Variants in ARHGAP15 observed in about 807,000 individuals in gnomAD.
ARHGAP15 encodes the protein rho GTPase-activating protein 15.
A neutral mutation model predicts 63.7 loss-of-function variants in ARHGAP15; 51 were observed. The ratio of observed to expected loss-of-function variants is 0.80; its 90% CI spans 0.64 to 1.01. The LOEUF is 1.01. Ranked by LOEUF, ARHGAP15 falls within the 50% of genes least tolerant of loss-of-function variation. The pLI, the probability that ARHGAP15 is intolerant of heterozygous loss-of-function variation, is 0.00. For synonymous variants in ARHGAP15, 191 were observed against 193.8 expected, an observed-to-expected ratio of 0.99 and a Z score of 0.12; for missense variants, 560 against 564.6, an observed-to-expected ratio of 0.99 and a Z score of 0.08.
At chr2:143,691,764 A>G (rs1683610651) in intron 12 of ARHGAP15, among the ~76,000 whole-genome samples, 1 of 152,242 alleles carries the variant, frequency 6.6e-6, no homozygotes, top group Admixed American at 6.5e-5. Context: ...TCAATTTACA[A>G]TATAATGGAA....
intron 9 of ARHGAP15, among the ~76,000 whole-genome samples, chr2:143,489,570 C>T (rs1477004473): frequency 7.2e-5 from 11 of 151,874 alleles, no homozygotes; most frequent in Non-Finnish European, 1.6e-4. Flanking sequence ...CGGTAAAAGG[C>T]ATTAAACCAA....
At chr2:143,133,933 A>C (rs1348679473) in intron 1 of ARHGAP15, among the ~76,000 whole-genome samples, 1 of 152,168 alleles carries the variant, frequency 6.6e-6, no homozygotes, top group Non-Finnish European at 1.5e-5. Flanking sequence ...AATATAGATT[A>C]GAGATATTTT....
rs368759683 is a variant in ARHGAP15 at position 143,733,429 on chromosome 2, A to G, written c.1244+29905A>G. Among the ~76,000 whole-genome samples, 44 of 152,242 alleles carry G rather than the reference A, an allele frequency of 2.9e-4. 1 individual carries two copies. The East Asian group carries it at 7.3e-3, about 25-fold the overall frequency. ...TGTACTTCATCTGAGCCCATTTTGG[A>G]GAGTGAAGGCCCTTCAAAAGTAAAA... On this transcript the variant is annotated intron_variant, in intron 13 of 13. Transcript: ENST00000295095.
chr2:143,236,476 T>TA (rs778725851), intron 5 of ARHGAP15: 2 of 152,172 alleles, frequency 1.3e-5, no homozygotes, highest in African/African-American at 4.8e-5. Flanking sequence ...TTCTGAAAGA[T>TA]AAAAAATGAA....
intron 2 of ARHGAP15, among the ~76,000 whole-genome samples, chr2:143,180,970 C>G (rs1255266259): frequency 6.6e-6 from 1 of 152,140 alleles, no homozygotes; most frequent in East Asian, 1.9e-4. Context: ...CTGTACCCGG[C>G]CTTAAATATA....
intron 12 of ARHGAP15, among the ~76,000 whole-genome samples, chr2:143,677,570 C>T (rs1682889132): frequency 6.6e-6 from 1 of 152,158 alleles, no homozygotes; most frequent in South Asian, 2.1e-4. Context: ...CCCATAGCAC[C>T]TATAACATTC....
intron 11 of ARHGAP15, among the ~76,000 whole-genome samples, chr2:143,598,988 A>G (rs1244441599): frequency 6.6e-6 from 1 of 152,074 alleles, no homozygotes; most frequent in Non-Finnish European, 1.5e-5. Flanking sequence ...AAAGTATGCA[A>G]CTTGTCTGTG....
intron 11 of ARHGAP15, among the ~76,000 whole-genome samples, chr2:143,566,307 A>G (rs1356973031): frequency 6.6e-6 from 1 of 152,166 alleles, no homozygotes; most frequent in Non-Finnish European, 1.5e-5. Flanking sequence ...CAGGATTAAT[A>G]TGGAAGGGAG....
intron 8 of ARHGAP15, among the ~76,000 whole-genome samples, chr2:143,452,094 G>C (rs971264049): frequency 6.6e-6 from 1 of 151,904 alleles, no homozygotes; most frequent in Non-Finnish European, 1.5e-5. Flanking sequence ...AAAATATTCA[G>C]ATGAGAACTC....
chr2:143,652,380 C>T (rs13430960), intron 12 of ARHGAP15, among the ~76,000 whole-genome samples: 37,804 of 151,872 alleles, frequency 0.25, 4,969 homozygotes, highest in Middle Eastern at 0.31. Flanking sequence ...GGAAGTATAC[C>T]GCAGGTCATA....
At chr2:143,651,158 TC>T (rs938730205) in intron 12 of ARHGAP15, among the ~76,000 whole-genome samples, 1 of 152,008 alleles carries the variant, frequency 6.6e-6, no homozygotes, top group Non-Finnish European at 1.5e-5. Flanking sequence ...TGTTATGTGT[TC>T]ATTTTCAATA....
At chr2:143,689,879 C>T (rs1026121127) in intron 12 of ARHGAP15, among the ~76,000 whole-genome samples, 2 of 152,152 alleles carry the variant, frequency 1.3e-5, no homozygotes, top group Non-Finnish European at 2.9e-5. Context: ...CTACAATATC[C>T]TCAGTTATAC....
chr2:143,250,809 A>G (rs1328758759), intron 6 of ARHGAP15, among the ~76,000 whole-genome samples: 2 of 152,054 alleles, frequency 1.3e-5, no homozygotes, highest in African/African-American at 4.8e-5. Context: ...CACAAAATGT[A>G]TGTTGCACGT....
chr2:143,153,830 CTTCTTCT>C lies in ARHGAP15; in HGVS notation c.-14-1645_-14-1639del, dbSNP rs1558779410. On this transcript the variant is annotated intron_variant, in intron 1 of 13. Transcript: ENST00000295095. ...TCTTCTTCTTCTTCTTCTTCTTCTT[CTTCTTCT>C]TCTTCTTCCTCCTCCTCCTCCTCCT... 1.7e-3 allele frequency among the ~76,000 whole-genome samples: 162 copies of C among 93,098 alleles called. 5 individuals carry two copies. The highest frequency in any genetic ancestry group is 2.3e-3 in the Non-Finnish European group (107 of 45,734). 61.1% of individuals were successfully genotyped at this position (93,098 alleles called of 152,430 possible). A position where few individuals can be genotyped will look rare whatever the true frequency, so the allele number is the denominator to read the frequency against.
chr2:143,415,156 C>G (rs1001208939), intron 6 of ARHGAP15, among the ~76,000 whole-genome samples: 6 of 152,004 alleles, frequency 3.9e-5, no homozygotes, highest in African/African-American at 1.4e-4. Context: ...TTGGTATATC[C>G]TAACTAAGAC....
chr2:143,427,947 G>A (rs541254280), intron 6 of ARHGAP15, among the ~76,000 whole-genome samples: 1 of 152,156 alleles, frequency 6.6e-6, no homozygotes, highest in Non-Finnish European at 1.5e-5. Context: ...AGTAGATAAG[G>A]TTTGTCTATT....
chr2:143,142,505 A>G (rs1217264695), intron 1 of ARHGAP15, among the ~76,000 whole-genome samples: 9 of 152,110 alleles, frequency 5.9e-5, no homozygotes, highest in Admixed American at 5.2e-4. Flanking sequence ...TTTAAAAAAA[A>G]TCATTAAAAG....
intron 6 of ARHGAP15, among the ~76,000 whole-genome samples, chr2:143,337,122 G>T (rs1684809303): frequency 6.6e-6 from 1 of 152,076 alleles, no homozygotes; most frequent in Non-Finnish European, 1.5e-5. Context: ...GGTGGAGCTT[G>T]GATAGGTGGG....
intron 13 of ARHGAP15, among the ~76,000 whole-genome samples, chr2:143,758,305 A>G (rs1279039617): frequency 6.6e-6 from 1 of 151,572 alleles, no homozygotes; most frequent in African/African-American, 2.4e-5. Flanking sequence ...TATATATAAA[A>G]TAGGTAGATG....
Sources: allele counts gnomAD v4.1 joint callset (sites outside exome capture counted in the v4.1 genomes callset), GRCh38; gene constraint gnomAD v4.1.1; transcripts MANE v1.5; gene names NCBI Gene and HGNC (gene_info 2026-07-23, HGNC 2026-07-21).